Variants in ABI3BP observed in about 807,000 individuals in gnomAD.
ABI3BP encodes the protein target of Nesh-SH3.
In ABI3BP, 216 loss-of-function variants were observed where a neutral mutation model predicts 268.6. That is an observed-to-expected ratio of 0.80 (90% CI 0.72 to 0.90). The LOEUF is 0.90. Among genes scored for constraint, ABI3BP ranks in the 40% least tolerant of loss-of-function variants. The probability of loss-of-function intolerance (pLI) is 0.00; values close to 1 mark genes in which losing one functional copy is unlikely to be tolerated. For synonymous variants in ABI3BP, 730 were observed against 730.0 expected (o/e 1.00, Z 0.00); for missense variants, 2,090 against 2,182.4 (o/e 0.96, Z 0.84).
At position 100,842,004 on chromosome 3, in the gene ABI3BP, T is replaced by C. The variant is rs2098712055; in HGVS notation, c.1759A>G (p.Thr587Ala). The change falls in exon 21 of 68, where the codon ACA (threonine) becomes GCA (alanine). Residue 587 changes from threonine to alanine, a missense_variant. Coordinates refer to ENST00000471714, the MANE Select transcript of ABI3BP (RefSeq NM_001375547.2). Reference sequence around the variant, plus strand: ...TTAAAAAAAGCTTTATTACCTATTGTTGACTGTGATGGCAGTAGAGTCTGA... The same window carrying C: ...TTAAAAAAAGCTTTATTACCTATTGCTGACTGTGATGGCAGTAGAGTCTGA... ...EPQTLLPSQS[T>A]IGPETPGTKP... is the part of the protein sequence containing the mutation. The C allele has an allele frequency of 1.3e-6, 2 of 1,534,018 alleles. No homozygotes were observed. Among genetic ancestry groups the C allele is most frequent in the Admixed American group, 2.0e-5 (1 of 50,962 alleles).
intron 50 of ABI3BP, among the ~76,000 whole-genome samples, chr3:100,805,140 T>A (rs565444476): frequency 6.6e-6 from 1 of 152,274 alleles, no homozygotes; most frequent in African/African-American, 2.4e-5. Flanking sequence ...GAAATCTTTA[T>A]TTCAGAGGAG....
At chr3:100,940,263 TA>T (rs1247823781) in intron 1 of ABI3BP, among the ~76,000 whole-genome samples, 2 of 151,990 alleles carry the variant, frequency 1.3e-5, no homozygotes, top group African/African-American at 4.8e-5. Context: ...GGGGAAGTGA[TA>T]AGTGTCCACG....
In ABI3BP at chr3:100,862,340, T is replaced by A; in HGVS notation, c.1256A>T (p.Glu419Val). 3 of 1,604,696 alleles carry A rather than the reference T, an allele frequency of 1.9e-6. No individual in the cohort carries two copies. Among genetic ancestry groups the A allele is most frequent in the Non-Finnish European group, 2.6e-6 (3 of 1,176,020 alleles). Residue 419 changes from glutamate to valine, a missense_variant, in exon 14 of 68, where the codon GAA (glutamate) becomes GTA (valine). By Grantham distance (121) the Glu-to-Val change is moderately radical. Coordinates refer to ENST00000471714, the MANE Select transcript of ABI3BP (RefSeq NM_001375547.2). ...TTGAGGCTGCAGAACTTTGGAATCT[T>A]CAGATATTTTAGCTGTAGGCACAAT... The part of the protein sequence containing the change: ...PWIVPTAKIS[E>V]DSKVLQPQTA...
At position 100,804,828 on chromosome 3, in the gene ABI3BP, T is replaced by G; in HGVS notation, c.3721A>C (p.Thr1241Pro). ...VPQRVTAKPKTSPSPEVSYTT... is the reference protein window; with the variant it reads ...VPQRVTAKPKPSPSPEVSYTT... ...TATGACACTTCTGGACTTGGTGACG[T>G]TTTTGGTTTTGCAGTAACACGCTGG... Residue 1241 changes from threonine to proline, a missense_variant, in exon 51 of 68, where the codon ACG (threonine) becomes CCG (proline). Physicochemically the swap from Thr to Pro is conservative, Grantham distance 38 (BLOSUM62 -1). Transcript: ENST00000471714. 1 of 1,612,796 alleles carries G rather than the reference T, an allele frequency of 6.2e-7. No individual in the cohort carries two copies. Among genetic ancestry groups the G allele is most frequent in the Non-Finnish European group, 8.5e-7 (1 of 1,178,942 alleles).
chr3:100,797,734 G>A (rs1482133077), intron 51 of ABI3BP, among the ~76,000 whole-genome samples: 7 of 151,906 alleles, frequency 4.6e-5, no homozygotes, highest in Admixed American at 4.6e-4. Context: ...AATTACAATT[G>A]TGAAAACTGG....
At chr3:100,838,176 C>T (rs1488930567) in intron 26 of ABI3BP, 34 bp downstream of exon 26, 1 of 1,504,466 alleles carries the variant, frequency 6.6e-7, no homozygotes. Context: ...CAAAGAAAAT[C>T]CTGTTAAGCT....
intron 55 of ABI3BP, among the ~76,000 whole-genome samples, chr3:100,792,413 A>C (rs1234727016): frequency 6.6e-6 from 1 of 151,748 alleles, no homozygotes; most frequent in Non-Finnish European, 1.5e-5. Context: ...TGAAGGTCAA[A>C]TGTGTGGAAA....
At chr3:100,924,134 T>G (rs2061120295) in intron 2 of ABI3BP, among the ~76,000 whole-genome samples, 1 of 152,162 alleles carries the variant, frequency 6.6e-6, no homozygotes, top group Non-Finnish European at 1.5e-5. Flanking sequence ...CAGTTCCATA[T>G]TCTATAATAT....
At chr3:100,966,573 C>A (rs912144858) in intron 1 of ABI3BP, among the ~76,000 whole-genome samples, 2 of 152,094 alleles carry the variant, frequency 1.3e-5, no homozygotes, top group Non-Finnish European at 2.9e-5. Flanking sequence ...GATTCTCCAT[C>A]GGCACAAGGG....
intron 1 of ABI3BP, among the ~76,000 whole-genome samples, chr3:100,988,076 C>T (rs1227235639): frequency 6.6e-6 from 1 of 152,154 alleles, no homozygotes; most frequent in Non-Finnish European, 1.5e-5. Context: ...AAAGCAGAAC[C>T]ACACCAAGTA....
intron 44 of ABI3BP, 91 bp downstream of exon 44, chr3:100,815,821 G>GGAAGCA: frequency 1.2e-6 from 1 of 833,498 alleles, no homozygotes; most frequent in Non-Finnish European, 1.8e-6. Flanking sequence ...CAGCGTCTTA[G>GGAAGCA]GAAGCAGAAG....
chr3:100,851,878 T>G lies in ABI3BP; in HGVS notation c.1348A>C (p.Thr450Pro). The G allele has an allele frequency of 6.3e-7, 1 of 1,584,246 alleles. No individual in the cohort carries two copies. The highest frequency in any genetic ancestry group is 8.6e-7 in the Non-Finnish European group (1 of 1,167,634). ...AGAATTGAGAGGCCAGATATACCTG[T>G]GTAGGAATCTGATATCTCAGGCTCA... ...SDEPEISDSYTATSDRILDSI... is the reference protein window; with the variant it reads ...SDEPEISDSYPATSDRILDSI... Residue 450 changes from threonine to proline, a missense_variant, in exon 15 of 68, where the codon ACA becomes CCA. Thr to Pro is a conservative substitution (Grantham distance 38). Coordinates refer to ENST00000471714, the MANE Select transcript of ABI3BP (RefSeq NM_001375547.2).
Position 100,811,218 on chromosome 3 carries a change from C to T in ABI3BP, c.3541+12G>A, listed in dbSNP as rs1229778792. The T allele has an allele frequency of 1.9e-5, 29 of 1,530,754 alleles. No homozygotes were observed. Among genetic ancestry groups the T allele is most frequent in the East Asian group, 4.9e-5 (2 of 40,772 alleles). The allele number at this position is 1,530,754 out of a possible 1,614,324, so 94.8% of individuals were successfully genotyped here. A position where few individuals can be genotyped will look rare whatever the true frequency, so the allele number is the denominator to read the frequency against. ...CAGAGAGCACCCAGGGTTGGGCTACCGAGGTTATTACCTAGTGTGGTCTCA... is the reference window on the plus strand; with the variant it reads ...CAGAGAGCACCCAGGGTTGGGCTACTGAGGTTATTACCTAGTGTGGTCTCA... On this transcript the variant is annotated intron_variant, in intron 48 of 67. Coordinates refer to ENST00000471714, the MANE Select transcript of ABI3BP (RefSeq NM_001375547.2).
intron 4 of ABI3BP, among the ~76,000 whole-genome samples, chr3:100,892,924 T>G (rs1178150850): frequency 6.6e-6 from 1 of 152,162 alleles, no homozygotes; most frequent in Non-Finnish European, 1.5e-5. Flanking sequence ...TCAACTTGAT[T>G]GGATTGAAGG....
chr3:100,773,486 G>C (rs757774244), intron 61 of ABI3BP, among the ~76,000 whole-genome samples: 1 of 152,174 alleles, frequency 6.6e-6, no homozygotes, highest in African/African-American at 2.4e-5. Flanking sequence ...GGAGGAACTA[G>C]AACTCTCATC....
intron 26 of ABI3BP, among the ~76,000 whole-genome samples, chr3:100,837,720 A>G (rs537118787): frequency 1.3e-5 from 2 of 152,136 alleles, no homozygotes; most frequent in Non-Finnish European, 2.9e-5. Flanking sequence ...GCACCACTGT[A>G]CTCCAACCTG....
In ABI3BP at chr3:100,862,792, A is replaced by G. The variant is rs972643367; in HGVS notation, c.1210+46T>C. On this transcript the variant is annotated intron_variant, in intron 13 of 67. Transcript: ENST00000471714. ...TAAATGTGTCCTGCAGAATTAAGCA[A>G]TCACCACCCACAGCCTTAATATTAA... The G allele has an allele frequency of 1.2e-5, 16 of 1,349,136 alleles. No individual in the cohort carries two copies. The Admixed American group carries it at 3.3e-4, about 28-fold the overall frequency. The allele number at this position is 1,349,136 out of a possible 1,614,324, so 83.6% of individuals were successfully genotyped here. A position where few individuals can be genotyped will look rare whatever the true frequency, so the allele number is the denominator to read the frequency against.
intron 32 of ABI3BP, among the ~76,000 whole-genome samples, chr3:100,830,135 ATATATATATATATATATATATATATATAT>A (rs1328818654): frequency 6.7e-5 from 4 of 59,790 alleles, no homozygotes; most frequent in Non-Finnish European, 1.2e-4. Context: ...ATATATATAT[ATATATATATATATATATATATATATATAT>A]AAAATGCAGA....
At chr3:100,923,658 G>A (rs181426015) in intron 2 of ABI3BP, among the ~76,000 whole-genome samples, 106 of 151,980 alleles carry the variant, frequency 7.0e-4, no homozygotes, top group Non-Finnish European at 1.3e-3. Flanking sequence ...TGAAAGTAAC[G>A]GCAAAAACTG....
Sources: gnomAD v4.1 joint callset for allele counts (sites outside exome capture counted in the v4.1 genomes callset) on GRCh38, gnomAD v4.1.1 for gene constraint, MANE v1.5 for transcripts, NCBI Gene and HGNC (gene_info 2026-07-23, HGNC 2026-07-21) for gene names.